DLGAP2: variants seen among roughly 807,000 people sequenced by gnomAD.
DLGAP2 encodes disks large-associated protein 2.
A neutral mutation model predicts 100.3 loss-of-function variants in DLGAP2; 26 were observed. The observed-to-expected ratio is 0.26, with a 90% confidence interval of 0.19 to 0.36. The LOEUF (loss-of-function observed/expected upper bound fraction) is 0.36, where lower values mean the gene tolerates loss of function less well. Among genes scored for constraint, DLGAP2 ranks in the 10% least tolerant of loss-of-function variants. DLGAP2 has a pLI of 1.00. For synonymous variants in DLGAP2, 886 were observed against 630.1 expected, an observed-to-expected ratio of 1.41 and a Z score of -6.08; for missense variants, 1,858 against 1,453.2, an observed-to-expected ratio of 1.28 and a Z score of -4.53.
chr8:848,177 C>G (rs1431164450), intron 1 of DLGAP2, among the ~76,000 whole-genome samples: 2 of 152,200 alleles, frequency 1.3e-5, no homozygotes, highest in East Asian at 1.9e-4. Context: ...TGGCTTCTTC[C>G]AGTTCGCACG....
At chr8:1,495,950 G>C (rs1452986840) in intron 3 of DLGAP2, among the ~76,000 whole-genome samples, 1 of 152,184 alleles carries the variant, frequency 6.6e-6, no homozygotes, top group Non-Finnish European at 1.5e-5. Context: ...GATTGGCCCA[G>C]GTGTGGCTGA....
chr8:858,423 G>C (rs1797323699), intron 1 of DLGAP2, among the ~76,000 whole-genome samples: 1 of 152,282 alleles, frequency 6.6e-6, no homozygotes, highest in Non-Finnish European at 1.5e-5. Flanking sequence ...ATGGGCTGTG[G>C]GGAGGGAGGG....
chr8:1,531,165 T>A (rs537785684), intron 4 of DLGAP2, among the ~76,000 whole-genome samples: 1 of 151,862 alleles, frequency 6.6e-6, no homozygotes, highest in East Asian at 1.9e-4. Context: ...GTTCCTCCCC[T>A]CCCCGCTAAA....
intron 4 of DLGAP2, among the ~76,000 whole-genome samples, chr8:1,522,722 C>A (rs143620069): frequency 1.3e-5 from 2 of 152,136 alleles, no homozygotes; most frequent in African/African-American, 4.8e-5. Flanking sequence ...GATCAGGAGA[C>A]GGCAGTGACC....
At chr8:916,452 C>T (rs1422096762) in intron 2 of DLGAP2, among the ~76,000 whole-genome samples, 1 of 152,136 alleles carries the variant, frequency 6.6e-6, no homozygotes, top group South Asian at 2.1e-4. Context: ...CACATGTTCT[C>T]ACTGATAAGT....
intron 2 of DLGAP2, among the ~76,000 whole-genome samples, chr8:1,059,155 G>T (rs1342793213): frequency 6.6e-6 from 1 of 152,062 alleles, no homozygotes; most frequent in African/African-American, 2.4e-5. Context: ...TCTGCTCTGG[G>T]GCTCTGTGAC....
chr8:1,173,249 C>G (rs1025837319), intron 2 of DLGAP2, among the ~76,000 whole-genome samples: 2 of 152,144 alleles, frequency 1.3e-5, no homozygotes, highest in African/African-American at 4.8e-5. Context: ...GAAGTTTTGT[C>G]TCAGAGGAGT....
At chr8:1,528,109 C>A (rs7845881) in intron 4 of DLGAP2, among the ~76,000 whole-genome samples, 1,783 of 152,372 alleles carry the variant, frequency 0.012, 38 homozygotes, top group African/African-American at 0.041. Context: ...GCAGTGACTG[C>A]TGTGCGGTCC....
At chr8:1,565,061 A>G (rs1283384604) in intron 5 of DLGAP2, among the ~76,000 whole-genome samples, 1 of 152,232 alleles carries the variant, frequency 6.6e-6, no homozygotes, top group African/African-American at 2.4e-5. Flanking sequence ...GCTCTGTACC[A>G]CCCAGATATA....
chr8:1,506,184 A>G (rs1267149606), intron 4 of DLGAP2, among the ~76,000 whole-genome samples: 3 of 152,038 alleles, frequency 2.0e-5, no homozygotes, highest in Non-Finnish European at 4.4e-5. Context: ...ATGTTAATAC[A>G]TATCTTGTCT....
At chr8:1,635,299 C>T (rs1797740558) in intron 8 of DLGAP2, among the ~76,000 whole-genome samples, 2 of 152,172 alleles carry the variant, frequency 1.3e-5, no homozygotes, top group African/African-American at 4.8e-5. Flanking sequence ...GGAAAACTAT[C>T]AACATGTACG....
chr8:1,580,451 G>C (rs914301676), intron 6 of DLGAP2, among the ~76,000 whole-genome samples: 3 of 152,200 alleles, frequency 2.0e-5, no homozygotes, highest in African/African-American at 4.8e-5. Flanking sequence ...CGTGGGAATC[G>C]AAAGGCAGAA....
intron 6 of DLGAP2, among the ~76,000 whole-genome samples, chr8:1,596,338 T>A (rs1310783141): frequency 6.6e-6 from 1 of 152,228 alleles, no homozygotes; most frequent in Admixed American, 6.5e-5. Flanking sequence ...AACATACATG[T>A]GCATGTGTCT....
intron 7 of DLGAP2, among the ~76,000 whole-genome samples, chr8:1,630,790 G>C (rs759378841): frequency 4.7e-4 from 71 of 152,162 alleles, no homozygotes; most frequent in Non-Finnish European, 7.8e-4. Flanking sequence ...CTGAAGTCTT[G>C]TGAGAGGTGC....
At chr8:1,613,232 G>A (rs1291897297) in intron 6 of DLGAP2, among the ~76,000 whole-genome samples, 3 of 144,014 alleles carry the variant, frequency 2.1e-5, no homozygotes, top group East Asian at 2.0e-4. Context: ...ATGAGTTCAT[G>A]TCCTTTGTAG....
chr8:1,243,680 C>G (rs1005329773), intron 2 of DLGAP2, among the ~76,000 whole-genome samples: 8 of 152,202 alleles, frequency 5.3e-5, no homozygotes, highest in Middle Eastern at 6.8e-3. Context: ...GGGGCTGGAG[C>G]CTGCCGATGC....
At chr8:1,592,224 T>G (rs2130675578) in intron 6 of DLGAP2, among the ~76,000 whole-genome samples, 1 of 152,306 alleles carries the variant, frequency 6.6e-6, no homozygotes, top group East Asian at 1.9e-4. Flanking sequence ...CCAGTTCACA[T>G]TTACCAAGAT....
At chr8:1,287,151 T>TGC (rs1799940047) in intron 3 of DLGAP2, among the ~76,000 whole-genome samples, 1 of 132,090 alleles carries the variant, frequency 7.6e-6, no homozygotes, top group African/African-American at 2.8e-5. Context: ...TGTGTGTGTG[T>TGC]GTGTGTGCGC....
chr8:828,319 C>T (rs372056909), intron 1 of DLGAP2, among the ~76,000 whole-genome samples: 4 of 152,098 alleles, frequency 2.6e-5, no homozygotes, highest in African/African-American at 4.8e-5. Context: ...GAGACAGGTA[C>T]GCCCCGGGGG....
Sources: allele counts gnomAD v4.1 joint callset (sites outside exome capture counted in the v4.1 genomes callset), GRCh38; gene constraint gnomAD v4.1.1; transcripts MANE v1.5; gene names NCBI Gene and HGNC (gene_info 2026-07-23, HGNC 2026-07-21).